Variants in UNC79 observed in about 807,000 individuals in gnomAD.
UNC79 encodes the protein protein unc-79 homolog.
In UNC79, 37 loss-of-function variants were observed where a neutral mutation model predicts 283.1. The observed-to-expected ratio is 0.13, with a 90% CI of 0.10 to 0.17. The LOEUF (loss-of-function observed/expected upper bound fraction) is 0.17, where lower values mean the gene tolerates loss of function less well. Ranked by LOEUF, UNC79 falls within the 10% of genes least tolerant of loss-of-function variation. The probability of loss-of-function intolerance (pLI) is 1.00; values close to 1 mark genes in which losing one functional copy is unlikely to be tolerated. For synonymous variants in UNC79, 1,107 were observed against 1,200.2 expected, an observed-to-expected ratio of 0.92 and a Z score of 1.61; for missense variants, 2,272 against 3,211.1, an observed-to-expected ratio of 0.71 and a Z score of 7.07.
intron 41 of UNC79, among the ~76,000 whole-genome samples, chr14:93,678,692 C>T (rs1035381717): frequency 2.0e-5 from 3 of 152,218 alleles, no homozygotes; most frequent in Admixed American, 2.0e-4. Context: ...CCCCAGCTGC[C>T]TCTATTGTGG....
chr14:93,508,699 G>A (rs774102001), intron 7 of UNC79, among the ~76,000 whole-genome samples: 69 of 152,024 alleles, frequency 4.5e-4, no homozygotes, highest in Admixed American at 9.8e-4. Context: ...CTTGTGTAAG[G>A]AAATCCAATT....
At chr14:93,684,407 A>T (rs548093895) in intron 42 of UNC79, among the ~76,000 whole-genome samples, 2 of 152,354 alleles carry the variant, frequency 1.3e-5, no homozygotes, top group African/African-American at 4.8e-5. Context: ...AAATAGCAGA[A>T]ATATGGAAAC....
intron 12 of UNC79, among the ~76,000 whole-genome samples, chr14:93,539,535 A>G (rs2061274494): frequency 6.6e-6 from 1 of 151,920 alleles, no homozygotes; most frequent in Non-Finnish European, 1.5e-5. Flanking sequence ...AAATAAATTA[A>G]AAAAATAATA....
At chr14:93,343,372 G>C (rs1449903933) in intron 1 of UNC79, among the ~76,000 whole-genome samples, 2 of 152,208 alleles carry the variant, frequency 1.3e-5, no homozygotes, top group African/African-American at 4.8e-5. Flanking sequence ...CAATCCAAGT[G>C]TGTTACTGAT....
Position 93,615,741 on chromosome 14 carries a change from A to AAAAAG in UNC79, c.4042-1373_4042-1369dup, listed in dbSNP as rs1566782248. Among the ~76,000 whole-genome samples, 433 of 142,812 alleles carry AAAAAG rather than the reference A, an allele frequency of 3.0e-3. 3 individuals are homozygous for AAAAAG. Among genetic ancestry groups the AAAAAG allele is most frequent in the African/African-American group, 0.012 (408 of 34,450 alleles). 93.7% of individuals were successfully genotyped at this position (142,812 alleles called of 152,430 possible). A position where few individuals can be genotyped will look rare whatever the true frequency, so the allele number is the denominator to read the frequency against. On this transcript the variant is annotated intron_variant, in intron 27 of 48. Coordinates refer to ENST00000555664, the Ensembl canonical transcript of UNC79. ...ATCTCAAAAAAAAAAAAAAAAAAAA[A>AAAAAG]AAAAGAAAAGAAGAAAAGAAGAAAA...
intron 6 of UNC79, among the ~76,000 whole-genome samples, chr14:93,496,894 T>A (rs1263424676): frequency 1.3e-5 from 2 of 152,228 alleles, no homozygotes; most frequent in African/African-American, 4.8e-5. Flanking sequence ...TCAATCTGAT[T>A]AGAGATCAAT....
At chr14:93,438,401 C>T (rs1429302562) in intron 1 of UNC79, among the ~76,000 whole-genome samples, 1 of 152,120 alleles carries the variant, frequency 6.6e-6, no homozygotes, top group Non-Finnish European at 1.5e-5. Flanking sequence ...CAAGTGCATC[C>T]TACTTTGCTG....
At chr14:93,685,704 G>T (rs1392222445) in intron 42 of UNC79, among the ~76,000 whole-genome samples, 1 of 152,168 alleles carries the variant, frequency 6.6e-6, no homozygotes, top group African/African-American at 2.4e-5. Flanking sequence ...TATTCATCTG[G>T]CTTCAAAGCC....
At chr14:93,699,018 T>C (rs1280083182) in intron 47 of UNC79, among the ~76,000 whole-genome samples, 4 of 152,242 alleles carry the variant, frequency 2.6e-5, no homozygotes, top group Non-Finnish European at 5.9e-5. Context: ...TGACTAATGA[T>C]AGGATGGTAC....
intron 14 of UNC79, among the ~76,000 whole-genome samples, chr14:93,567,080 G>A: frequency 6.6e-6 from 1 of 152,154 alleles, no homozygotes; most frequent in East Asian, 1.9e-4. Context: ...TGTAACAAGT[G>A]GAGGTTATGA....
chr14:93,505,996 C>T (rs1206717636), intron 7 of UNC79, among the ~76,000 whole-genome samples: 1 of 151,788 alleles, frequency 6.6e-6, no homozygotes, highest in Non-Finnish European at 1.5e-5. Flanking sequence ...TTCTACAAAA[C>T]ATAATTACTG....
chr14:93,375,980 C>T (rs1436750222), intron 1 of UNC79, among the ~76,000 whole-genome samples: 1 of 152,112 alleles, frequency 6.6e-6, no homozygotes, highest in Non-Finnish European at 1.5e-5. Context: ...CCACGTGATT[C>T]CCTGTGCCAC....
At chr14:93,444,448 ATTTTTTTTC>A (rs2056404501) in intron 1 of UNC79, among the ~76,000 whole-genome samples, 1 of 151,738 alleles carries the variant, frequency 6.6e-6, no homozygotes, top group South Asian at 2.1e-4. Flanking sequence ...CCCATTTTCA[ATTTTTTTTC>A]TTTTATCATT....
rs533583943 is a variant in UNC79, at chr14:93,582,426, G to T, written c.2803+82G>T. The T allele has an allele frequency of 6.4e-6, 10 of 1,554,624 alleles. No individual in the cohort carries two copies. The East Asian group carries it at 2.1e-4, about 32-fold the overall frequency. On this transcript the variant is annotated intron_variant, in intron 20 of 48. Coordinates refer to ENST00000555664, the Ensembl canonical transcript of UNC79. ...ATCACCGGGTTCTTGGTTTAATATC[G>T]ACTTGGGCAAATTCAGACGTGGTTT...
At chr14:93,480,210 T>G (rs1375326548) in intron 4 of UNC79, among the ~76,000 whole-genome samples, 1 of 152,226 alleles carries the variant, frequency 6.6e-6, no homozygotes, top group East Asian at 1.9e-4. Flanking sequence ...GTAAGTTGAG[T>G]TTACAAAATT....
At chr14:93,493,169 T>C (rs1021516947) in intron 5 of UNC79, among the ~76,000 whole-genome samples, 2 of 152,028 alleles carry the variant, frequency 1.3e-5, no homozygotes, top group East Asian at 3.9e-4. Flanking sequence ...GCAGGATGAA[T>C]AATGTGAACA....
At chr14:93,433,986 G>T (rs1048434382) in intron 1 of UNC79, among the ~76,000 whole-genome samples, 14 of 152,208 alleles carry the variant, frequency 9.2e-5, no homozygotes, top group Non-Finnish European at 1.8e-4. Flanking sequence ...GGCCGAGGCA[G>T]GTGGATCACC....
In UNC79 at chr14:93,347,243, C is replaced by A. The variant is rs1192925465; in HGVS notation, c.-351+13720C>A. On this transcript the variant is annotated intron_variant, in intron 1 of 49. Transcript: ENST00000256339. ...CCTCACCTCACCTGTGCTGTCCACG[C>A]CTGGCTTTGTCTCACCTGACGCGAT... 3 of 1,584,856 alleles carry A rather than the reference C, an allele frequency of 1.9e-6. No individual in the cohort carries two copies. In the African/African-American group the frequency reaches 4.1e-5, roughly 22 times the overall value.
intron 40 of UNC79, among the ~76,000 whole-genome samples, chr14:93,668,224 A>G (rs1166626225): frequency 6.6e-6 from 1 of 152,204 alleles, no homozygotes; most frequent in Non-Finnish European, 1.5e-5. Context: ...CTCATTTTTC[A>G]TAGGTGATAC....
Sources: allele counts gnomAD v4.1 joint callset (sites outside exome capture counted in the v4.1 genomes callset), GRCh38; gene constraint gnomAD v4.1.1; transcripts MANE v1.5; gene names NCBI Gene and HGNC (gene_info 2026-07-23, HGNC 2026-07-21).